Variants in ATP1A1 observed in about 807,000 individuals in gnomAD.
ATP1A1 encodes the protein sodium/potassium-transporting ATPase subunit alpha-1.
In ATP1A1, 14 loss-of-function variants were observed where a neutral mutation model predicts 114.8. The observed-to-expected ratio is 0.12, with a 90% confidence interval of 0.08 to 0.19. The LOEUF (loss-of-function observed/expected upper bound fraction) is 0.19. ATP1A1 is among the 10% of genes least tolerant of loss of function. The pLI, the probability that ATP1A1 is intolerant of heterozygous loss-of-function variation, is 1.00. For synonymous variants in ATP1A1, 471 were observed against 466.3 expected (o/e 1.01, Z -0.13); for missense variants, 524 against 1,290.7 (o/e 0.41, Z 9.10).
In ATP1A1 at chr1:116,388,558, G is replaced by A; in HGVS notation, c.502-80G>A. The A allele has an allele frequency of 6.7e-7, 1 of 1,490,754 alleles. No individual in the cohort carries two copies. Among genetic ancestry groups the A allele is most frequent in the Admixed American group, 2.1e-5 (1 of 47,718 alleles). The allele number at this position is 1,490,754 out of a possible 1,614,324, so 92.3% of individuals were successfully genotyped here. On this transcript the variant is annotated intron_variant, in intron 5 of 22. Transcript: ENST00000295598. The surrounding 1 kb of genome is among the most constrained non-coding windows in gnomAD (Gnocchi z 5.6). ...TTTGTATTCAGGTAATTAGGATTAT[G>A]ACTATTTTTATTTTCTTGTTTTGGA...
In ATP1A1 at chr1:116,373,375, C is replaced by A; in HGVS notation, c.-137C>A. 1 of 451,510 alleles carries A rather than the reference C, an allele frequency of 2.2e-6. No individual in the cohort carries two copies. Among genetic ancestry groups the A allele is most frequent in the Non-Finnish European group, 3.6e-6 (1 of 278,072 alleles). The allele number at this position is 451,510 out of a possible 1,614,324, so 28.0% of individuals were successfully genotyped here. A position where few individuals can be genotyped will look rare whatever the true frequency, so the allele number is the denominator to read the frequency against. On this transcript the variant is annotated 5_prime_UTR_variant, in exon 1 of 23. Coordinates refer to ENST00000295598, the MANE Select transcript of ATP1A1 (RefSeq NM_000701.8). ...GCCCGAGCCGCCGGCCGCCCTCCCA[C>A]CCTCCCGCCCCGCGGCAGCCCTAGC...
chr1:116,398,101 T>G lies in ATP1A1; in HGVS notation c.2124+63T>G. On this transcript the variant is annotated intron_variant, in intron 15 of 22. Coordinates refer to ENST00000295598, the MANE Select transcript of ATP1A1 (RefSeq NM_000701.8). The surrounding 1 kb of genome is among the most constrained non-coding windows in gnomAD (Gnocchi z 6.1). Reference sequence around the variant, plus strand: ...TTGGCTTTAGGGATTGGAGTTCCAGTGGAAACAGAGCAACGGTGATGGATG... The same window carrying G: ...TTGGCTTTAGGGATTGGAGTTCCAGGGGAAACAGAGCAACGGTGATGGATG... The G allele has an allele frequency of 1.9e-6, 3 of 1,591,654 alleles. No homozygotes were observed. Among genetic ancestry groups the G allele is most frequent in the Non-Finnish European group, 2.6e-6 (3 of 1,167,124 alleles).
Position 116,389,456 on chromosome 1 carries a change from G to A in ATP1A1, c.772G>A (p.Val258Ile), listed in dbSNP as rs1652302165. The change falls in exon 8 of 23, where the codon GTT becomes ATT. Residue 258 changes from valine to isoleucine, a missense_variant. By Grantham distance (29) the Val-to-Ile change is conservative. Transcript: ENST00000295598. The surrounding 1 kb of genome is among the most constrained non-coding windows in gnomAD (Gnocchi z 6.9). Reference sequence around the variant, plus strand: ...TTTTTAAGGCACCGCACGTGGTATTGTTGTCTACACTGGGGATCGCACTGT... The same window carrying A: ...TTTTTAAGGCACCGCACGTGGTATTATTGTCTACACTGGGGATCGCACTGT... Reference protein sequence around the residue: ...NCVEGTARGIVVYTGDRTVMG... With the variant: ...NCVEGTARGIIVYTGDRTVMG... 2 of 1,614,080 alleles carry A rather than the reference G, an allele frequency of 1.2e-6. No individual in the cohort carries two copies. Among genetic ancestry groups the A allele is most frequent in the East Asian group, 2.2e-5 (1 of 44,902 alleles).
In ATP1A1 at chr1:116,388,585, A is replaced by G. The variant is rs1212088602; in HGVS notation, c.502-53A>G. 2 of 1,570,826 alleles carry G rather than the reference A, an allele frequency of 1.3e-6. No homozygotes were observed. The highest frequency in any genetic ancestry group is 4.5e-5 in the East Asian group (2 of 44,514). On this transcript the variant is annotated intron_variant, in intron 5 of 22. Transcript: ENST00000295598. This position sits in a 1 kb window ranked among gnomAD's most constrained non-coding sequence, Gnocchi z 5.6. ...CTATTTTTATTTTCTTGTTTTGGAC[A>G]CTACCTTCTCTTTGTTGGTATACTA...
chr1:116,383,234 A>G, intron 1 of ATP1A1: 1 of 345,744 alleles, frequency 2.9e-6, no homozygotes, highest in Non-Finnish European at 4.2e-6. Context: ...TTTTATTTTC[A>G]GGCTACAGAA....
chr1:116,390,104 T>G, intron 8 of ATP1A1, 109 bp from the exon 9 acceptor site: 3 of 1,137,806 alleles, frequency 2.6e-6, no homozygotes, highest in Middle Eastern at 3.0e-4. Context: ...AGAAGAAGGT[T>G]GGAGAGATTT....
Position 116,384,195 on chromosome 1 carries a change from C to CT in ATP1A1, c.123+72dup. ...ATGATTTTTAATCCCCCAGGCCTCA[C>CT]TGTATTCTTCAAAGAACTGCTATAT... On this transcript the variant is annotated intron_variant, in intron 2 of 22. Coordinates refer to ENST00000295598, the MANE Select transcript of ATP1A1 (RefSeq NM_000701.8). This position sits in a 1 kb window ranked among gnomAD's most constrained non-coding sequence, Gnocchi z 5.1. The CT allele has an allele frequency of 7.9e-7, 1 of 1,265,710 alleles. No homozygotes were observed. The allele number at this position is 1,265,710 out of a possible 1,614,324, so 78.4% of individuals were successfully genotyped here.
chr1:116,379,417 G>T (rs1376240082), intron 1 of ATP1A1, among the ~76,000 whole-genome samples: 2 of 152,222 alleles, frequency 1.3e-5, no homozygotes, highest in African/African-American at 4.8e-5. Context: ...TGCTGCTGGG[G>T]CTGGATAGCA....
At position 116,388,296 on chromosome 1, in the gene ATP1A1, G is replaced by C. The variant is rs1164374973; in HGVS notation, c.501+52G>C. 1 of 1,393,310 alleles carries C rather than the reference G, an allele frequency of 7.2e-7. No homozygotes were observed. Among genetic ancestry groups the C allele is most frequent in the South Asian group, 1.2e-5 (1 of 85,794 alleles). The allele number at this position is 1,393,310 out of a possible 1,614,324, so 86.3% of individuals were successfully genotyped here. On this transcript the variant is annotated intron_variant, in intron 5 of 22. Coordinates refer to ENST00000295598, the MANE Select transcript of ATP1A1 (RefSeq NM_000701.8). This position sits in a 1 kb window ranked among gnomAD's most constrained non-coding sequence, Gnocchi z 5.6. ...TGGATGACTTGACAGCCCCAAGCAT[G>C]TCAGCCTGTGAATTAGTGTGAAGTT... is the stretch of plus-strand genomic sequence containing the variant.
At chr1:116,376,121 A>G (rs954048385) in intron 1 of ATP1A1, among the ~76,000 whole-genome samples, 1 of 152,208 alleles carries the variant, frequency 6.6e-6, no homozygotes, top group African/African-American at 2.4e-5. Flanking sequence ...AATGTGGGAA[A>G]GTTTGTCTTC....
chr1:116,401,909 A>G lies in ATP1A1; in HGVS notation c.2951+254A>G. ...GCCACACAGGCTCTAGCTCCATGGA[A>G]CTGCTCAACAGCGAACTGCATTGAG... On this transcript the variant is annotated intron_variant, in intron 21 of 22. Transcript: ENST00000295598. The surrounding 1 kb of genome is among the most constrained non-coding windows in gnomAD (Gnocchi z 4.7). 3.8e-6 allele frequency: 2 copies of G among 521,208 alleles called. No homozygotes were observed. Among genetic ancestry groups the G allele is most frequent in the South Asian group, 2.4e-5 (1 of 42,438 alleles). 32.3% of individuals were successfully genotyped at this position (521,208 alleles called of 1,614,324 possible).
Position 116,397,323 on chromosome 1 carries a change from TA to T in ATP1A1, c.1974-564del, listed in dbSNP as rs1207718554. ...TCTGCCACTTTCTAAAACTTGGTTA[TA>T]TTTCTTTTTTTCTTTGATGGAGTCT... On this transcript the variant is annotated intron_variant, in intron 14 of 22. Coordinates refer to ENST00000295598, the MANE Select transcript of ATP1A1 (RefSeq NM_000701.8). The surrounding 1 kb of genome is among the most constrained non-coding windows in gnomAD (Gnocchi z 4.2). Among the ~76,000 whole-genome samples, 2 of 152,148 alleles carry T rather than the reference TA, an allele frequency of 1.3e-5. No homozygotes were observed. Among genetic ancestry groups the T allele is most frequent in the Non-Finnish European group, 2.9e-5 (2 of 68,026 alleles).
At chr1:116,375,126 TAA>T (rs1424422354) in intron 1 of ATP1A1, among the ~76,000 whole-genome samples, 2 of 152,150 alleles carry the variant, frequency 1.3e-5, no homozygotes, top group East Asian at 3.8e-4. Flanking sequence ...TCTCCTGCCT[TAA>T]AAGAAAAAGA....
rs1458465825 is a variant in ATP1A1 at position 116,389,401 on chromosome 1, T to C, written c.755-38T>C. ...AATCCGTGGCTTCCTTCAGGTTAGA[T>C]ACAATTAGGTACAGTTCTCCCTCCC... is the stretch of plus-strand genomic sequence containing the variant. On this transcript the variant is annotated intron_variant, in intron 7 of 22. Transcript: ENST00000295598. The surrounding 1 kb of genome is among the most constrained non-coding windows in gnomAD (Gnocchi z 6.9). 8.1e-6 allele frequency: 13 copies of C among 1,607,802 alleles called. No individual in the cohort carries two copies. The highest frequency in any genetic ancestry group is 2.2e-5 in the East Asian group (1 of 44,750).
chr1:116,399,288 G>A lies in ATP1A1; in HGVS notation c.2449-132G>A. ...AGCAGTTAACATTTGTTTATCAGAT[G>A]GGAATCTTTATTTTTGTATACTTCA... is the stretch of plus-strand genomic sequence containing the variant. On this transcript the variant is annotated intron_variant, in intron 17 of 22. Transcript: ENST00000295598. This position sits in a 1 kb window ranked among gnomAD's most constrained non-coding sequence, Gnocchi z 5.0. 7.1e-7 allele frequency: 1 copy of A among 1,403,432 alleles called. No individual in the cohort carries two copies. The highest frequency in any genetic ancestry group is 1.4e-5 in the South Asian group (1 of 71,426). 86.9% of individuals were successfully genotyped at this position (1,403,432 alleles called of 1,614,324 possible).
chr1:116,404,049 C>A lies in ATP1A1; in HGVS notation c.3043+74C>A. On this transcript the variant is annotated intron_variant, in intron 22 of 22. Transcript: ENST00000295598. The surrounding 1 kb of genome is among the most constrained non-coding windows in gnomAD (Gnocchi z 4.8). ...ATAGTTCTATTGGTTTTTTGTTTCC[C>A]TCAAGGTGTCTAGGCTCCCTCAGTG... 2 of 1,444,746 alleles carry A rather than the reference C, an allele frequency of 1.4e-6. No individual in the cohort carries two copies. Among genetic ancestry groups the A allele is most frequent in the Non-Finnish European group, 1.9e-6 (2 of 1,040,540 alleles). 89.5% of individuals were successfully genotyped at this position (1,444,746 alleles called of 1,614,324 possible).
Position 116,399,843 on chromosome 1 carries a change from A to G in ATP1A1, c.2572+300A>G, listed in dbSNP as rs913378269. Among the ~76,000 whole-genome samples, 7 of 152,248 alleles carry G rather than the reference A, an allele frequency of 4.6e-5. No homozygotes were observed. The highest frequency in any genetic ancestry group is 8.8e-5 in the Non-Finnish European group (6 of 68,042). Reference sequence around the variant, plus strand: ...CCTTCCTCACTGAGCCTTGCGGAACAGGAGGCATGGTTCTAAGGAATTGTG... The same window carrying G: ...CCTTCCTCACTGAGCCTTGCGGAACGGGAGGCATGGTTCTAAGGAATTGTG... On this transcript the variant is annotated intron_variant, in intron 18 of 22. Transcript: ENST00000295598. This position sits in a 1 kb window ranked among gnomAD's most constrained non-coding sequence, Gnocchi z 5.0.
In ATP1A1 at chr1:116,384,771, G is replaced by A. The variant is rs1006644317; in HGVS notation, c.124-12G>A. 2 of 1,599,766 alleles carry A rather than the reference G, an allele frequency of 1.3e-6. No homozygotes were observed. The highest frequency in any genetic ancestry group is 8.5e-7 in the Non-Finnish European group (1 of 1,174,626). On this transcript the variant is annotated splice_polypyrimidine_tract_variant and intron_variant, in intron 2 of 22. Coordinates refer to ENST00000295598, the MANE Select transcript of ATP1A1 (RefSeq NM_000701.8). The surrounding 1 kb of genome is among the most constrained non-coding windows in gnomAD (Gnocchi z 5.1). ...CTGTTTAACTATTTTCTTTGTTTCT[G>A]TTTTCCCTTAGGATGATCATAAACT... is the stretch of plus-strand genomic sequence containing the variant.
At position 116,392,979 on chromosome 1, in the gene ATP1A1, C is replaced by G; in HGVS notation, c.1458C>G (p.Asn486Lys). Residue 486 changes from asparagine (N) to lysine (K), a missense_variant, in exon 11 of 23, where the codon AAC becomes AAG. Transcript: ENST00000295598. ...KIVEIPFNST[N>K]KYQLSIHKNP... ...TCGAGATACCCTTCAACTCCACCAA[C>G]AAGTACCAGGTCTGAAGATCGATGG... 1 of 1,614,002 alleles carries G rather than the reference C, an allele frequency of 6.2e-7. No homozygotes were observed.
Sources: allele counts gnomAD v4.1 joint callset (sites outside exome capture counted in the v4.1 genomes callset), GRCh38; gene constraint gnomAD v4.1.1; non-coding constraint Gnocchi (gnomAD v3.1); transcripts MANE v1.5; gene names NCBI Gene and HGNC (gene_info 2026-07-23, HGNC 2026-07-21).